The following THSD4 variants were observed in gnomAD, a reference collection of about 807,000 sequenced individuals.
THSD4 encodes thrombospondin type 1 domain containing 4, also known as thrombospondin type-1 domain-containing protein 4.
THSD4 carries 69 observed loss-of-function variants against 119.0 expected under a neutral mutation model. That is an observed-to-expected ratio of 0.58 (90% CI 0.48 to 0.71). The LOEUF is 0.71. Ranked by LOEUF, THSD4 falls within the 30% of genes least tolerant of loss-of-function variation. The pLI is 0.00. For synonymous variants in THSD4, 524 were observed against 540.4 expected, an observed-to-expected ratio of 0.97 and a Z score of 0.42; for missense variants, 1,393 against 1,391.1, an observed-to-expected ratio of 1.00 and a Z score of -0.02.
chr15:71,625,496 A>G (rs1036550096), intron 7 of THSD4, among the ~76,000 whole-genome samples: 1 of 152,126 alleles, frequency 6.6e-6, no homozygotes, highest in Non-Finnish European at 1.5e-5. Flanking sequence ...CTGCACTCAA[A>G]TAAAAGAGAA....
chr15:71,747,701 A>C (rs911300750), intron 13 of THSD4, among the ~76,000 whole-genome samples: 8 of 152,362 alleles, frequency 5.3e-5, no homozygotes, highest in Admixed American at 4.6e-4. Context: ...AAACTTCATG[A>C]GTCAGAAATA....
chr15:71,640,072 A>G (rs771180366), intron 7 of THSD4, among the ~76,000 whole-genome samples: 6 of 152,062 alleles, frequency 3.9e-5, no homozygotes, highest in Non-Finnish European at 8.8e-5. Context: ...AACAACGGCA[A>G]CTTTTTTTTG....
In THSD4 at chr15:71,556,158, C is replaced by G. The variant is rs879520853; in HGVS notation, c.1153-104372C>G. Among the ~76,000 whole-genome samples, 27 of 152,272 alleles carry G rather than the reference C, an allele frequency of 1.8e-4. No individual in the cohort carries two copies. The Middle Eastern group carries it at 0.01, about 58-fold the overall frequency. On this transcript the variant is annotated intron_variant, in intron 7 of 17. Coordinates refer to ENST00000261862, the MANE Select transcript of THSD4 (RefSeq NM_024817.3). ...CTTATGAAATTTGAAATTATCACATCAATTTTCCTTGAAAAATCATTTAAG... is the reference window on the plus strand; with the variant it reads ...CTTATGAAATTTGAAATTATCACATGAATTTTCCTTGAAAAATCATTTAAG...
At chr15:71,643,210 A>T (rs2050899886) in intron 7 of THSD4, among the ~76,000 whole-genome samples, 1 of 152,232 alleles carries the variant, frequency 6.6e-6, no homozygotes, top group African/African-American at 2.4e-5. Flanking sequence ...TTTCATGAAA[A>T]TGATCTTGTT....
intron 8 of THSD4, among the ~76,000 whole-genome samples, chr15:71,702,188 G>A (rs1193620392): frequency 6.6e-6 from 1 of 152,098 alleles, no homozygotes; most frequent in Non-Finnish European, 1.5e-5. Context: ...CCTCGTCCAG[G>A]GGCCCCCCAG....
chr15:71,231,004 C>G (rs745743019), intron 4 of THSD4, among the ~76,000 whole-genome samples: 2 of 152,164 alleles, frequency 1.3e-5, no homozygotes, highest in Admixed American at 6.5e-5. Context: ...CCATTGATTT[C>G]TGTGGCACTC....
intron 7 of THSD4, among the ~76,000 whole-genome samples, chr15:71,622,603 T>G (rs2050437360): frequency 1.3e-5 from 2 of 152,240 alleles, no homozygotes; most frequent in Non-Finnish European, 2.9e-5. Context: ...CTAAATACTT[T>G]TTTCAAGATG....
intron 8 of THSD4, among the ~76,000 whole-genome samples, chr15:71,701,453 C>CA (rs2052287113): frequency 6.6e-6 from 1 of 152,054 alleles, no homozygotes; most frequent in African/African-American, 2.4e-5. Flanking sequence ...CTTGATTTAG[C>CA]AAAATAGTCA....
At chr15:71,287,344 A>G (rs2044730840) in intron 6 of THSD4, among the ~76,000 whole-genome samples, 2 of 152,228 alleles carry the variant, frequency 1.3e-5, no homozygotes, top group Admixed American at 1.3e-4. Context: ...GTGTCCAAGA[A>G]AAACTGAAAA....
intron 1 of THSD4, among the ~76,000 whole-genome samples, chr15:71,139,672 T>G (rs564434928): frequency 6.6e-6 from 1 of 152,370 alleles, no homozygotes; most frequent in South Asian, 2.1e-4. Flanking sequence ...AAATCTTGAT[T>G]CTTTTTCCCT....
rs115075251 is a variant in THSD4, at chr15:71,537,827, G to A, written c.1153-122703G>A. On this transcript the variant is annotated intron_variant, in intron 7 of 17. Transcript: ENST00000261862. ...CAGGCTGGAGTGCAATCACAATCAC[G>A]TGTTCTCGACTCACTGCAACTGCCT... 6.3e-3 allele frequency among the ~76,000 whole-genome samples: 959 copies of A among 151,818 alleles called. 10 individuals carry two copies. The highest frequency in any genetic ancestry group is 0.021 in the African/African-American group (875 of 41,376).
At chr15:71,518,030 A>G (rs1036655400) in intron 7 of THSD4, among the ~76,000 whole-genome samples, 1 of 152,188 alleles carries the variant, frequency 6.6e-6, no homozygotes, top group African/African-American at 2.4e-5. Flanking sequence ...CTTTGTTTTA[A>G]TTATCCAGAG....
chr15:71,099,546 C>T (rs1306246029), intron 1 of THSD4, among the ~76,000 whole-genome samples: 3 of 151,914 alleles, frequency 2.0e-5, no homozygotes, highest in Non-Finnish European at 4.4e-5. Flanking sequence ...TGGTAATTTT[C>T]CTTGTTCTAA....
intron 6 of THSD4, among the ~76,000 whole-genome samples, chr15:71,401,502 T>G (rs900578007): frequency 6.6e-6 from 1 of 152,260 alleles, no homozygotes; most frequent in African/African-American, 2.4e-5. Flanking sequence ...TTAGCTGTTC[T>G]TTTGATTTTT....
chr15:71,778,590 G>A lies in THSD4; in HGVS notation c.*1216G>A, dbSNP rs7402189. ...AGAGTCCGGCCAACCTGTCCCAGCC[G>A]AAACACTGCTGTATTAGAAAAAGTC... On this transcript the variant is annotated 3_prime_UTR_variant, in exon 18 of 18. Transcript: ENST00000261862. 0.82 allele frequency: 124,688 copies of A among 152,476 alleles called. 51,260 individuals are homozygous for A. The highest frequency in any genetic ancestry group is 0.91 in the African/African-American group (37,988 of 41,576). The allele number at this position is 152,476 out of a possible 1,614,324, so 9.4% of individuals were successfully genotyped here.
chr15:71,136,808 A>C (rs56094643), intron 1 of THSD4, among the ~76,000 whole-genome samples: 15,640 of 152,044 alleles, frequency 0.1, 1,133 homozygotes, highest in East Asian at 0.44. Flanking sequence ...TCAGGCCCTG[A>C]GGAGAAGGGG....
chr15:71,512,370 C>T (rs568510246), intron 7 of THSD4, among the ~76,000 whole-genome samples: 154 of 152,314 alleles, frequency 1.0e-3, no homozygotes, highest in African/African-American at 3.6e-3. Flanking sequence ...TGCATTGCTG[C>T]ATTGCAAAGG....
rs1055715118 is a variant in THSD4, at chr15:71,417,037, G to T, written c.1152+5214G>T. On this transcript the variant is annotated intron_variant, in intron 7 of 17. Coordinates refer to ENST00000261862, the MANE Select transcript of THSD4 (RefSeq NM_024817.3). ...GCCTCCCAAAGTGCTGGGATTACAG[G>T]CATGAGCCACTGCACCTGGCCCTGC... 1.4e-4 allele frequency among the ~76,000 whole-genome samples: 15 copies of T among 108,750 alleles called. 4 individuals are homozygous for T. Among genetic ancestry groups the T allele is most frequent in the Non-Finnish European group, 1.8e-4 (9 of 49,548 alleles). 71.3% of individuals were successfully genotyped at this position (108,750 alleles called of 152,430 possible).
At chr15:71,129,216 G>A (rs1367040849) in intron 1 of THSD4, among the ~76,000 whole-genome samples, 3 of 152,210 alleles carry the variant, frequency 2.0e-5, no homozygotes, top group African/African-American at 7.2e-5. Flanking sequence ...GAGGAAACTC[G>A]AAGTACAGGG....
Sources: allele counts gnomAD v4.1 joint callset (sites outside exome capture counted in the v4.1 genomes callset), GRCh38; gene constraint gnomAD v4.1.1; transcripts MANE v1.5; gene names NCBI Gene and HGNC (gene_info 2026-07-23, HGNC 2026-07-21).